Variants in CLSTN2 observed in about 807,000 individuals in gnomAD.
The protein encoded by CLSTN2 is calsyntenin-2.
A neutral mutation model predicts 101.2 loss-of-function variants in CLSTN2; 48 were observed. That is an observed-to-expected ratio of 0.47 (90% CI 0.38 to 0.60). The LOEUF (loss-of-function observed/expected upper bound fraction) is 0.60, where lower values mean the gene tolerates loss of function less well. Among genes scored for constraint, CLSTN2 ranks in the 20% least tolerant of loss-of-function variants. CLSTN2 has a pLI of 0.00. For synonymous variants in CLSTN2, 481 were observed against 463.6 expected (o/e 1.04, Z -0.48); for missense variants, 1,160 against 1,238.2 (o/e 0.94, Z 0.95).
At chr3:140,171,938 G>C (rs946536094) in intron 1 of CLSTN2, among the ~76,000 whole-genome samples, 5 of 136,094 alleles carry the variant, frequency 3.7e-5, no homozygotes, top group Non-Finnish European at 7.6e-5. Context: ...GCACTTCTCA[G>C]ATATCACAAA....
At chr3:140,418,745 C>T (rs1047330727) in intron 4 of CLSTN2, among the ~76,000 whole-genome samples, 3 of 151,988 alleles carry the variant, frequency 2.0e-5, no homozygotes, top group South Asian at 4.2e-4. Flanking sequence ...CTCGAACTCC[C>T]GACTTTGTTA....
chr3:139,949,959 A>G (rs914468506), intron 1 of CLSTN2, among the ~76,000 whole-genome samples: 5 of 152,168 alleles, frequency 3.3e-5, no homozygotes, highest in South Asian at 4.1e-4. Context: ...TAGAGGCAAG[A>G]AGGAAGTTTT....
In CLSTN2 at chr3:140,370,445, G is replaced by T. The variant is rs2087840522; in HGVS notation, c.233-33184G>T. Among the ~76,000 whole-genome samples, 3 of 152,210 alleles carry T rather than the reference G, an allele frequency of 2.0e-5. No homozygotes were observed. In the South Asian group the frequency reaches 6.2e-4, roughly 32 times the overall value. ...GATTTTTCACGCAACACAGCGTCTG[G>T]CATATGGTAGGTGCTCAGTATATAT... On this transcript the variant is annotated intron_variant, in intron 2 of 16. Transcript: ENST00000458420.
chr3:139,982,544 T>C (rs539494754), intron 1 of CLSTN2, among the ~76,000 whole-genome samples: 73 of 152,296 alleles, frequency 4.8e-4, no homozygotes, highest in African/African-American at 1.7e-3. Context: ...CTGCAATTTA[T>C]AAACTTTCAT....
chr3:140,565,698 A>G (rs1936012619), intron 16 of CLSTN2, among the ~76,000 whole-genome samples: 1 of 152,250 alleles, frequency 6.6e-6, no homozygotes, highest in South Asian at 2.1e-4. Context: ...AGGCTTGGAC[A>G]GCTCCATTTA....
At chr3:140,043,357 A>G (rs1414561970) in intron 1 of CLSTN2, among the ~76,000 whole-genome samples, 1 of 152,098 alleles carries the variant, frequency 6.6e-6, no homozygotes, top group Middle Eastern at 3.4e-3. Context: ...CTTTGCCCAC[A>G]TGTTGATGGG....
At chr3:140,381,124 G>C (rs2087977586) in intron 2 of CLSTN2, among the ~76,000 whole-genome samples, 1 of 152,182 alleles carries the variant, frequency 6.6e-6, no homozygotes, top group Non-Finnish European at 1.5e-5. Context: ...CTAACTTCTG[G>C]TGATTGGAAG....
chr3:140,079,115 G>A (rs2008542951), intron 1 of CLSTN2, among the ~76,000 whole-genome samples: 1 of 152,078 alleles, frequency 6.6e-6, no homozygotes, highest in South Asian at 2.1e-4. Flanking sequence ...TGAGACTCAG[G>A]TGACATCATG....
At chr3:140,122,406 C>G (rs2009357451) in intron 1 of CLSTN2, among the ~76,000 whole-genome samples, 1 of 152,152 alleles carries the variant, frequency 6.6e-6, no homozygotes, top group Non-Finnish European at 1.5e-5. Context: ...GGCTAAATGA[C>G]AAGGAGTGGT....
intron 2 of CLSTN2, among the ~76,000 whole-genome samples, chr3:140,218,885 G>T (rs2086235268): frequency 6.6e-6 from 1 of 152,204 alleles, no homozygotes; most frequent in Admixed American, 6.5e-5. Context: ...ATGTGGTCAT[G>T]TGAGGCAGGA....
intron 8 of CLSTN2, among the ~76,000 whole-genome samples, chr3:140,478,233 C>T (rs1035460911): frequency 7.3e-5 from 11 of 151,184 alleles, no homozygotes; most frequent in Non-Finnish European, 1.5e-4. Flanking sequence ...ATCTAAATGG[C>T]ATATGCTGAT....
intron 1 of CLSTN2, among the ~76,000 whole-genome samples, chr3:140,080,787 C>G (rs972744504): frequency 6.6e-6 from 1 of 152,224 alleles, no homozygotes; most frequent in Non-Finnish European, 1.5e-5. Flanking sequence ...GGCTGGAGCT[C>G]TGTTAGCCCA....
rs139850805 is a variant in CLSTN2 at position 139,994,487 on chromosome 3, C to T, written c.109+59004C>T. 1.6e-4 allele frequency among the ~76,000 whole-genome samples: 25 copies of T among 152,274 alleles called. No homozygotes were observed. In the East Asian group the frequency reaches 2.5e-3, roughly 15 times the overall value. The stretch of plus-strand genomic sequence containing the variant: ...TTGTGCTCACTCCACTGCCCTGGGC[C>T]ACCACGTAAAGTATTCTGTCTTTAT... On this transcript the variant is annotated intron_variant, in intron 1 of 16. Coordinates refer to ENST00000458420, the MANE Select transcript of CLSTN2 (RefSeq NM_022131.3).
At chr3:140,360,324 G>C (rs756821955) in intron 2 of CLSTN2, among the ~76,000 whole-genome samples, 2 of 152,144 alleles carry the variant, frequency 1.3e-5, no homozygotes, top group African/African-American at 2.4e-5. Context: ...TGAGCATGGA[G>C]TAATAGACAA....
At chr3:140,009,159 T>C (rs2007018776) in intron 1 of CLSTN2, among the ~76,000 whole-genome samples, 4 of 152,232 alleles carry the variant, frequency 2.6e-5, no homozygotes, top group African/African-American at 9.6e-5. Flanking sequence ...TTCTTTCTCC[T>C]TAATGTTCAT....
intron 2 of CLSTN2, among the ~76,000 whole-genome samples, chr3:140,246,063 G>A (rs1246723280): frequency 6.6e-6 from 1 of 152,120 alleles, no homozygotes; most frequent in Non-Finnish European, 1.5e-5. Flanking sequence ...GTAAAAATGC[G>A]TTTACGTTGA....
At chr3:140,260,833 T>C (rs2086644741) in intron 2 of CLSTN2, among the ~76,000 whole-genome samples, 1 of 152,202 alleles carries the variant, frequency 6.6e-6, no homozygotes, top group South Asian at 2.1e-4. Flanking sequence ...CTTCTTTTGG[T>C]GACCCTGACA....
intron 5 of CLSTN2, among the ~76,000 whole-genome samples, chr3:140,441,880 C>A (rs539264577): frequency 2.6e-5 from 4 of 152,246 alleles, no homozygotes; most frequent in African/African-American, 9.6e-5. Context: ...GAAGCCCTCC[C>A]GAGCCTCACA....
At chr3:140,218,409 T>C (rs1195585643) in intron 2 of CLSTN2, among the ~76,000 whole-genome samples, 2 of 152,134 alleles carry the variant, frequency 1.3e-5, no homozygotes, top group African/African-American at 4.8e-5. Flanking sequence ...CTTATTATTA[T>C]CCTTACTTCT....
Sources: allele counts gnomAD v4.1 joint callset (sites outside exome capture counted in the v4.1 genomes callset), GRCh38; gene constraint gnomAD v4.1.1; transcripts MANE v1.5; gene names NCBI Gene and HGNC (gene_info 2026-07-23, HGNC 2026-07-21).